The following FBXL13 variants were observed in gnomAD, a reference collection of about 807,000 sequenced individuals.
The protein encoded by FBXL13 is F-box and leucine-rich repeat protein 13.
FBXL13 carries 67 observed loss-of-function variants against 83.6 expected under a neutral mutation model. The ratio of observed to expected loss-of-function variants is 0.80; its 90% CI spans 0.66 to 0.98. FBXL13 has a LOEUF of 0.98. Among genes scored for constraint, FBXL13 ranks in the 50% least tolerant of loss-of-function variants. FBXL13 has a pLI of 0.00. For missense variants in FBXL13, 822 were observed against 866.5 expected (o/e 0.95, Z 0.64); for synonymous variants, 272 against 299.5 (o/e 0.91, Z 0.95).
At chr7:102,931,215 G>A (rs1301268989) in intron 9 of FBXL13, among the ~76,000 whole-genome samples, 1 of 152,218 alleles carries the variant, frequency 6.6e-6, no homozygotes, top group Non-Finnish European at 1.5e-5. Flanking sequence ...GCAGGAAAAG[G>A]AAACTCAGCA....
chr7:102,916,294 G>A (rs1463346097), intron 10 of FBXL13, among the ~76,000 whole-genome samples: 1 of 152,110 alleles, frequency 6.6e-6, no homozygotes, highest in Admixed American at 6.5e-5. Context: ...GCCGAGATGA[G>A]TTTTTTATAT....
chr7:102,951,849 G>C (rs1482405567), intron 8 of FBXL13, among the ~76,000 whole-genome samples: 1 of 146,754 alleles, frequency 6.8e-6, no homozygotes, highest in Non-Finnish European at 1.5e-5. Context: ...AAGCAAAATA[G>C]AAAATAGAAA....
intron 6 of FBXL13, among the ~76,000 whole-genome samples, chr7:103,016,651 T>C (rs1487247290): frequency 3.9e-5 from 6 of 152,146 alleles, no homozygotes; most frequent in African/African-American, 1.4e-4. Context: ...TCCAACGGTC[T>C]TAGTAAATGG....
chr7:102,847,952 T>A (rs1400738283), intron 17 of FBXL13, among the ~76,000 whole-genome samples: 1 of 152,224 alleles, frequency 6.6e-6, no homozygotes. Context: ...CATATACACA[T>A]TGACATATGT....
intron 16 of FBXL13, 96 bp from the exon 18 acceptor site, chr7:102,854,956 A>G (rs1584642446): frequency 1.6e-6 from 1 of 637,600 alleles, no homozygotes; most frequent in Non-Finnish European, 2.5e-6. Context: ...AACATAAAAA[A>G]CCATTTATGA....
At chr7:102,833,902 T>A (rs1801186674) in intron 17 of FBXL13, among the ~76,000 whole-genome samples, 1 of 151,710 alleles carries the variant, frequency 6.6e-6, no homozygotes, top group Admixed American at 6.6e-5. Flanking sequence ...TAAGAATCCA[T>A]GAGGAAATAA....
chr7:102,824,869 T>C (rs1799362907), intron 18 of FBXL13, among the ~76,000 whole-genome samples: 2 of 151,370 alleles, frequency 1.3e-5, no homozygotes, highest in African/African-American at 4.9e-5. Context: ...AGCTGTCTTC[T>C]TGCCGTAGCC....
chr7:103,072,505 G>A (rs1011327862), intron 1 of FBXL13, among the ~76,000 whole-genome samples: 1 of 152,142 alleles, frequency 6.6e-6, no homozygotes, highest in African/African-American at 2.4e-5. Context: ...ACTGGGGACT[G>A]CCTCATTGCA....
chr7:102,869,762 C>T (rs1808281993), intron 16 of FBXL13, among the ~76,000 whole-genome samples: 1 of 152,116 alleles, frequency 6.6e-6, no homozygotes, highest in Non-Finnish European at 1.5e-5. Flanking sequence ...GTTCTTGGTG[C>T]CTTTTTCAAA....
chr7:102,827,451 T>C (rs1159006760), intron 18 of FBXL13, among the ~76,000 whole-genome samples: 1 of 152,180 alleles, frequency 6.6e-6, no homozygotes, highest in Non-Finnish European at 1.5e-5. Context: ...AGTGACTGGT[T>C]ACACAGCAAA....
At chr7:102,933,261 T>G (rs900825082) in intron 8 of FBXL13, 1 of 151,776 alleles carries the variant, frequency 6.6e-6, no homozygotes, top group Admixed American at 6.6e-5. Context: ...GGTTGGTGAC[T>G]GGGAGACAGA....
rs1043601976 is a variant in FBXL13 at position 103,067,062 on chromosome 7, T to G, written c.-105+7184A>C. On this transcript the variant is annotated intron_variant, in intron 1 of 19. Coordinates refer to ENST00000313221, the Ensembl canonical transcript of FBXL13. ...GGCCTCCCAAGAATTTTTTTTTTTT[T>G]GTCTACTCTTTCACTGTGGGTGTAA... is the stretch of plus-strand genomic sequence containing the variant. 2.6e-5 allele frequency among the ~76,000 whole-genome samples: 4 copies of G among 152,148 alleles called. No homozygotes were observed. The East Asian group carries it at 7.7e-4, about 29-fold the overall frequency.
chr7:103,048,435 C>G (rs1266525362), intron 2 of FBXL13, among the ~76,000 whole-genome samples: 1 of 148,810 alleles, frequency 6.7e-6, no homozygotes, highest in African/African-American at 2.5e-5. Context: ...AAAAGGCAAA[C>G]AAAACAAAAA....
At chr7:102,925,680 G>A (rs553437119) in intron 10 of FBXL13, among the ~76,000 whole-genome samples, 2 of 152,032 alleles carry the variant, frequency 1.3e-5, no homozygotes, top group Non-Finnish European at 2.9e-5. Context: ...GGTGGCTCAC[G>A]CCTGTAATTC....
At chr7:102,854,140 G>A (rs1353643304) in intron 17 of FBXL13, among the ~76,000 whole-genome samples, 1 of 152,012 alleles carries the variant, frequency 6.6e-6, no homozygotes, top group Non-Finnish European at 1.5e-5. Context: ...AACAATGATA[G>A]ACTGGATTAA....
At chr7:103,024,941 A>T in intron 6 of FBXL13, 122 bp downstream of exon 7, 2 of 461,850 alleles carry the variant, frequency 4.3e-6, no homozygotes, top group Non-Finnish European at 6.6e-6. Context: ...GCTCACTGCA[A>T]CCTCTGCCTC....
At chr7:102,876,128 G>A (rs1184137344) in intron 16 of FBXL13, among the ~76,000 whole-genome samples, 3 of 152,146 alleles carry the variant, frequency 2.0e-5, no homozygotes, top group Non-Finnish European at 2.9e-5. Context: ...TAGGACTGTG[G>A]ACCTAAGACA....
chr7:103,011,451 A>G (rs940716354), intron 6 of FBXL13, among the ~76,000 whole-genome samples: 4 of 152,048 alleles, frequency 2.6e-5, no homozygotes, highest in African/African-American at 7.2e-5. Context: ...CCTGGCCAAC[A>G]TGGTGAAACC....
chr7:102,829,072 G>A (rs1338598504), intron 18 of FBXL13, among the ~76,000 whole-genome samples: 1 of 152,172 alleles, frequency 6.6e-6, no homozygotes, highest in Non-Finnish European at 1.5e-5. Flanking sequence ...ATCTTTCCGT[G>A]CTTCAGCCCA....
Sources: gnomAD v4.1 joint callset for allele counts (sites outside exome capture counted in the v4.1 genomes callset) on GRCh38, gnomAD v4.1.1 for gene constraint, MANE v1.5 for transcripts, NCBI Gene and HGNC (gene_info 2026-07-23, HGNC 2026-07-21) for gene names.